The following ZFHX3 variants were observed in gnomAD, a reference collection of about 807,000 sequenced individuals.
The protein encoded by ZFHX3 is zinc finger homeobox protein 3.
In ZFHX3, 42 loss-of-function variants were observed where a neutral mutation model predicts 279.1. The observed-to-expected ratio is 0.15, with a 90% CI of 0.12 to 0.19. The LOEUF (loss-of-function observed/expected upper bound fraction) is 0.19. Among genes scored for constraint, ZFHX3 ranks in the 10% least tolerant of loss-of-function variants. ZFHX3 has a pLI of 1.00. For missense variants in ZFHX3, 4,981 were observed against 4,754.0 expected (o/e 1.05, Z -1.40); for synonymous variants, 2,293 against 1,957.8 (o/e 1.17, Z -4.52).
At chr16:72,825,736 G>T (rs2036913772) in intron 5 of ZFHX3, among the ~76,000 whole-genome samples, 1 of 152,168 alleles carries the variant, frequency 6.6e-6, no homozygotes, top group South Asian at 2.1e-4. Flanking sequence ...TTCTTTCAGG[G>T]TTAGTTTTGT....
chr16:73,190,290 C>T (rs1968002598), intron 5 of ZFHX3, among the ~76,000 whole-genome samples: 1 of 152,140 alleles, frequency 6.6e-6, no homozygotes, highest in African/African-American at 2.4e-5. Context: ...GTAATTGTTC[C>T]CATTGGCTTC....
chr16:72,996,107 AACAC>A (rs10550323), intron 1 of ZFHX3, among the ~76,000 whole-genome samples: 10,228 of 146,878 alleles, frequency 0.07, 388 homozygotes, highest in Middle Eastern at 0.12. Context: ...GTCTCTACTA[AACAC>A]ACACACACAC....
chr16:73,520,848 A>AG (rs2019597598), intron 2 of ZFHX3, among the ~76,000 whole-genome samples: 1 of 151,806 alleles, frequency 6.6e-6, no homozygotes, highest in Non-Finnish European at 1.5e-5. Context: ...AATAATACAG[A>AG]GAAAAAAAGG....
chr16:73,628,979 T>C (rs2052443168), intron 2 of ZFHX3, among the ~76,000 whole-genome samples: 1 of 152,174 alleles, frequency 6.6e-6, no homozygotes, highest in Non-Finnish European at 1.5e-5. Context: ...GTATAAATCC[T>C]GATACAGGAG....
At chr16:72,989,480 A>AG (rs2144564527) in intron 1 of ZFHX3, among the ~76,000 whole-genome samples, 1 of 151,126 alleles carries the variant, frequency 6.6e-6, no homozygotes, top group African/African-American at 2.4e-5. Context: ...TCTGTCTCAA[A>AG]AAAAAAAAAA....
intron 7 of ZFHX3, chr16:73,127,209 C>T (rs1301185476): frequency 3.4e-6 from 2 of 583,358 alleles, no homozygotes; most frequent in Non-Finnish European, 5.2e-6. Flanking sequence ...CCAGAGCAGT[C>T]GTGCGTGAGC....
At chr16:73,686,018 T>G (rs1431757744) in intron 1 of ZFHX3, among the ~76,000 whole-genome samples, 1 of 152,272 alleles carries the variant, frequency 6.6e-6, no homozygotes, top group Admixed American at 6.5e-5. Flanking sequence ...GTTGTCTTTA[T>G]GTTGAACTTC....
chr16:73,205,520 GAA>G (rs2011764614), intron 5 of ZFHX3, among the ~76,000 whole-genome samples: 2 of 152,140 alleles, frequency 1.3e-5, no homozygotes, highest in Admixed American at 6.5e-5. Flanking sequence ...ACAGAAAAAA[GAA>G]TCCTCAATAA....
intron 1 of ZFHX3, among the ~76,000 whole-genome samples, chr16:73,013,849 A>C (rs997131422): frequency 6.6e-6 from 1 of 152,132 alleles, no homozygotes; most frequent in Admixed American, 6.6e-5. Flanking sequence ...TGCCAACTGC[A>C]CCAATTCCTC....
chr16:73,547,376 T>C (rs1434185003), intron 2 of ZFHX3, among the ~76,000 whole-genome samples: 5 of 152,180 alleles, frequency 3.3e-5, no homozygotes, highest in Admixed American at 6.5e-5. Flanking sequence ...TTAAATTAAA[T>C]CCTACTTCAT....
intron 1 of ZFHX3, among the ~76,000 whole-genome samples, chr16:73,720,534 G>C (rs1365923367): frequency 6.6e-6 from 1 of 152,074 alleles, no homozygotes; most frequent in African/African-American, 2.4e-5. Flanking sequence ...TATTGATGCA[G>C]GAAAATATAC....
In ZFHX3 at chr16:73,265,954, C is replaced by T. The variant is rs572883950; in HGVS notation, c.-1193-8818G>A. Among the ~76,000 whole-genome samples, 6 of 152,300 alleles carry T rather than the reference C, an allele frequency of 3.9e-5. No homozygotes were observed. In the East Asian group the frequency reaches 1.2e-3, roughly 29 times the overall value. On this transcript the variant is annotated intron_variant, in intron 4 of 17. Coordinates refer to the ZFHX3 transcript ENST00000641206. ...GGTGCCATCTGATCGATTTCATCTTCCAGCAGGAATTTCCCAAACCTGATC... is the reference window on the plus strand; with the variant it reads ...GGTGCCATCTGATCGATTTCATCTTTCAGCAGGAATTTCCCAAACCTGATC...
At chr16:73,374,435 T>C (rs539989117) in intron 3 of ZFHX3, among the ~76,000 whole-genome samples, 36 of 152,308 alleles carry the variant, frequency 2.4e-4, no homozygotes, top group Non-Finnish European at 4.6e-4. Context: ...TCCTTCACTT[T>C]ATTATTTTGA....
chr16:73,738,019 C>T (rs1396298356), intron 1 of ZFHX3, among the ~76,000 whole-genome samples: 1 of 152,072 alleles, frequency 6.6e-6, no homozygotes, highest in Non-Finnish European at 1.5e-5. Context: ...GGGGGATTAT[C>T]ATGGGATTTT....
intron 1 of ZFHX3, chr16:73,891,507 GA>G (rs1311356153): frequency 3.3e-5 from 5 of 152,262 alleles, no homozygotes; most frequent in African/African-American, 1.2e-4. Flanking sequence ...GAGGGAGAGA[GA>G]GGGGGAGAGA....
At position 72,959,465 on chromosome 16, in the gene ZFHX3, G is replaced by A; in HGVS notation, c.681C>T (p.Val227=). 2.5e-6 allele frequency: 4 copies of A among 1,614,254 alleles called. No homozygotes were observed. The highest frequency in any genetic ancestry group is 3.4e-6 in the Non-Finnish European group (4 of 1,180,036). The change falls in exon 2 of 10, where the codon GTC becomes GTT. Residue 227 remains valine, a synonymous_variant. Transcript: ENST00000268489. The part of the protein sequence containing the change: ...NTSALAGLSP[V]LHSFRVFDVR... ...CGTCAAACACGCGGAAGCTGTGCAG[G>A]ACGGGGCTGAGCCCCGCCAGGGCTG...
intron 3 of ZFHX3, among the ~76,000 whole-genome samples, chr16:73,363,541 G>A (rs1315847118): frequency 1.3e-5 from 2 of 151,884 alleles, no homozygotes; most frequent in Non-Finnish European, 2.9e-5. Flanking sequence ...TTCTCTTGCT[G>A]GCACTTTAAT....
chr16:73,851,563 C>T (rs569115019), intron 1 of ZFHX3, among the ~76,000 whole-genome samples: 9 of 152,230 alleles, frequency 5.9e-5, no homozygotes, highest in East Asian at 1.9e-4. Flanking sequence ...AGTAAACTCA[C>T]GTATAAAAAT....
chr16:73,388,516 A>G (rs2016946055), intron 3 of ZFHX3, among the ~76,000 whole-genome samples: 1 of 152,206 alleles, frequency 6.6e-6, no homozygotes, highest in Non-Finnish European at 1.5e-5. Flanking sequence ...TATCCTGTTT[A>G]AAATGACCCC....
Sources: gnomAD v4.1 joint callset for allele counts (sites outside exome capture counted in the v4.1 genomes callset) on GRCh38, gnomAD v4.1.1 for gene constraint, MANE v1.5 for transcripts, NCBI Gene and HGNC (gene_info 2026-07-23, HGNC 2026-07-21) for gene names.